Variants in KCNQ2 observed in about 807,000 individuals in gnomAD.
The protein encoded by KCNQ2 is potassium voltage-gated channel subfamily KQT member 2.
KCNQ2 carries 14 observed loss-of-function variants against 84.8 expected under a neutral mutation model. The observed-to-expected ratio is 0.17, with a 90% CI of 0.11 to 0.26. The LOEUF is 0.26. KCNQ2 is among the 10% of genes least tolerant of loss of function. The pLI, the probability that KCNQ2 is intolerant of heterozygous loss-of-function variation, is 1.00. For synonymous variants in KCNQ2, 599 were observed against 554.1 expected (o/e 1.08, Z -1.14); for missense variants, 788 against 1,254.0 (o/e 0.63, Z 5.61).
Position 63,446,689 on chromosome 20 carries a change from C to T in KCNQ2, c.387+58G>A. 1.4e-6 allele frequency: 2 copies of T among 1,421,172 alleles called. No individual in the cohort carries two copies. Among genetic ancestry groups the T allele is most frequent in the Non-Finnish European group, 2.0e-6 (2 of 1,005,582 alleles). The allele number at this position is 1,421,172 out of a possible 1,614,324, so 88.0% of individuals were successfully genotyped here. ...GTAACAGGAACGGAAGACAGACGCC[C>T]AGGCAGCTCCAGCTCCTTCCTGGGC... On this transcript the variant is annotated intron_variant, in intron 2 of 16. Transcript: ENST00000359125. This position sits in a 1 kb window ranked among gnomAD's most constrained non-coding sequence, Gnocchi z 5.5.
At chr20:63,434,099 G>A (rs1234647401) in intron 7 of KCNQ2, 196 bp from the exon 8 acceptor site, 2 of 572,130 alleles carry the variant, frequency 3.5e-6, no homozygotes, top group African/African-American at 1.9e-5. Flanking sequence ...GGACAGACAG[G>A]CAAGCCCGCT....
In KCNQ2 at chr20:63,415,034, C is replaced by T. The variant is rs1459078042; in HGVS notation, c.1394G>A (p.Arg465Gln). The change falls in exon 13 of 17, where the codon CGG (arginine) becomes CAG (glutamine). Residue 465 changes from arginine (R) to glutamine (Q), a missense_variant. Transcript: ENST00000359125. Reference protein sequence around the residue: ...KGSPQAQTVRRSPSADQSLED... With the variant: ...KGSPQAQTVRQSPSADQSLED... ...GAGGCTCTGGTCGGCGCTGGGTGAC[C>T]GCCTCACAGTCTGGGCCTGCGGGGA... 2.5e-6 allele frequency: 4 copies of T among 1,609,362 alleles called. No homozygotes were observed. Among genetic ancestry groups the T allele is most frequent in the African/African-American group, 2.7e-5 (2 of 74,922 alleles).
In KCNQ2 at chr20:63,419,639, T is replaced by A; in HGVS notation, c.1281A>T (p.Gly427=). The A allele has an allele frequency of 6.2e-7, 1 of 1,611,640 alleles. No individual in the cohort carries two copies. The highest frequency in any genetic ancestry group is 8.5e-7 in the Non-Finnish European group (1 of 1,179,590). Residue 427 remains glycine, a synonymous_variant, in exon 12 of 17, where the codon GGA becomes GGT. Transcript: ENST00000359125. ...GGTACCTAGAGCGTCCGGGGCAGCA[T>A]CCACACAGGGGCCCTCTGCACGGGC... ...KGSPCRGPLC[G]CCPGRSSQKV... is the part of the protein sequence containing the mutation.
At chr20:63,411,677 C>A in intron 15 of KCNQ2, 1 of 526,320 alleles carries the variant, frequency 1.9e-6, no homozygotes, top group Non-Finnish European at 3.4e-6. Flanking sequence ...TCCCCTCTGT[C>A]CCGGGGAAAG....
Position 63,460,954 on chromosome 20 carries a change from G to A in KCNQ2, c.296+11214C>T, listed in dbSNP as rs2081931917. On this transcript the variant is annotated intron_variant, in intron 1 of 16. Transcript: ENST00000359125. This position sits in a 1 kb window ranked among gnomAD's most constrained non-coding sequence, Gnocchi z 5.4. ...GGCACGCGAGACTCATCTTGCCCAT[G>A]AGAAGTGTGGACAGTATGCCGTTAA... The A allele has an allele frequency of 6.6e-6, 1 of 152,264 alleles. No individual in the cohort carries two copies. The highest frequency in any genetic ancestry group is 2.4e-5 in the African/African-American group (1 of 41,452). 9.4% of individuals were successfully genotyped at this position (152,264 alleles called of 1,614,324 possible).
At position 63,424,313 on chromosome 20, in the gene KCNQ2, A is replaced by AG. The variant is rs747989471; in HGVS notation, c.1218-108dup. On this transcript the variant is annotated intron_variant, in intron 10 of 16. Transcript: ENST00000359125. Reference sequence around the variant, plus strand: ...TCCCATGGGTCAGGGGCTGCAGGGGAGGGGGGTCTCAGAAAAGGCTGGGCA... The same window carrying AG: ...TCCCATGGGTCAGGGGCTGCAGGGGAGGGGGGGTCTCAGAAAAGGCTGGGCA... The AG allele has an allele frequency of 6.4e-5, 84 of 1,313,968 alleles. No individual in the cohort carries two copies. In the East Asian group the frequency reaches 1.3e-3, roughly 21 times the overall value. 81.4% of individuals were successfully genotyped at this position (1,313,968 alleles called of 1,614,324 possible).
rs111917225 is a variant in KCNQ2, at chr20:63,446,326, C to T, written c.387+421G>A. 2.2e-3 allele frequency: 632 copies of T among 284,964 alleles called. 9 individuals are homozygous for T. The highest frequency in any genetic ancestry group is 0.012 in the African/African-American group (569 of 45,690). The allele number at this position is 284,964 out of a possible 1,614,324, so 17.7% of individuals were successfully genotyped here. On this transcript the variant is annotated intron_variant, in intron 2 of 16. Transcript: ENST00000359125. This position sits in a 1 kb window ranked among gnomAD's most constrained non-coding sequence, Gnocchi z 5.5. ...AACAGCAACACAGGAACTGCACTCC[C>T]GTTGCCATGGCGCCCACCCTGCCCT...
intron 10 of KCNQ2, among the ~76,000 whole-genome samples, chr20:63,427,620 C>G (rs978980092): frequency 6.6e-6 from 1 of 152,254 alleles, no homozygotes; most frequent in Non-Finnish European, 1.5e-5. Flanking sequence ...CAGCCCTTGG[C>G]TTGTGGCCGC....
chr20:63,423,100 TC>T (rs1412966428), intron 11 of KCNQ2, among the ~76,000 whole-genome samples: 1 of 152,160 alleles, frequency 6.6e-6, no homozygotes, highest in East Asian at 1.9e-4. Context: ...TGGGCCCTCG[TC>T]CGTTTTCTTA....
chr20:63,472,073 C>G, intron 1 of KCNQ2, 95 bp downstream of exon 1: 2 of 965,488 alleles, frequency 2.1e-6, no homozygotes, highest in South Asian at 3.8e-5. Context: ...GGCAGGGAGC[C>G]AAACCCGCCG....
At position 63,408,593 on chromosome 20, in the gene KCNQ2, C is replaced by T. The variant is rs2080020643; in HGVS notation, c.1764-57G>A. The T allele has an allele frequency of 1.3e-6, 2 of 1,593,546 alleles. No homozygotes were observed. Among genetic ancestry groups the T allele is most frequent in the South Asian group, 2.3e-5 (2 of 88,104 alleles). ...TCGGGTGGGTGCAGCAGGGCCCCTG[C>T]CCTCTCCTCCTGGACCAGGCCACAG... is the stretch of plus-strand genomic sequence containing the variant. On this transcript the variant is annotated intron_variant, in intron 15 of 16. Transcript: ENST00000359125. This position sits in a 1 kb window ranked among gnomAD's most constrained non-coding sequence, Gnocchi z 5.0.
intron 15 of KCNQ2, among the ~76,000 whole-genome samples, chr20:63,409,744 G>A (rs2080058672): frequency 1.3e-5 from 2 of 148,766 alleles, no homozygotes; most frequent in Admixed American, 6.7e-5. Context: ...TGCCTCTGAT[G>A]GTGGGGGAGG....
At chr20:63,471,664 C>A (rs1226337290) in intron 1 of KCNQ2, 1 of 153,526 alleles carries the variant, frequency 6.5e-6, no homozygotes, top group Non-Finnish European at 1.4e-5. Flanking sequence ...TGGGAGGGCC[C>A]CTCCCCCATC....
intron 5 of KCNQ2, among the ~76,000 whole-genome samples, chr20:63,441,098 G>A (rs988047839): frequency 0.056 from 2 of 36 alleles, no homozygotes; most frequent in Admixed American, 0.5. Flanking sequence ...CTCCCGAGTA[G>A]CTGGGACTAC....
intron 14 of KCNQ2, 111 bp downstream of exon 14, chr20:63,413,977 T>C: frequency 1.2e-6 from 1 of 811,818 alleles, no homozygotes; most frequent in Non-Finnish European, 2.1e-6. Flanking sequence ...CCCAGTAGAC[T>C]CTGTCTCTGG....
Position 63,466,809 on chromosome 20 carries a change from T to A in KCNQ2, c.296+5359A>T, listed in dbSNP as rs1008659342. On this transcript the variant is annotated intron_variant, in intron 1 of 16. Coordinates refer to ENST00000359125, the MANE Select transcript of KCNQ2 (RefSeq NM_172107.4). ...ACGGGTCACGCAGGGTCTTCACAGGTCACGGCCACACAGGAGCACGTCTCA... is the reference window on the plus strand; with the variant it reads ...ACGGGTCACGCAGGGTCTTCACAGGACACGGCCACACAGGAGCACGTCTCA... Among the ~76,000 whole-genome samples, 12 of 152,146 alleles carry A rather than the reference T, an allele frequency of 7.9e-5. No homozygotes were observed. The South Asian group carries it at 1.2e-3, about 16-fold the overall frequency.
At chr20:63,413,656 C>T in intron 14 of KCNQ2, 75 bp from the exon 15 acceptor site, 1 of 1,552,704 alleles carries the variant, frequency 6.4e-7, no homozygotes, top group Non-Finnish European at 8.9e-7. Context: ...CTTCCTAGCA[C>T]CTCTGAGACC....
intron 12 of KCNQ2, among the ~76,000 whole-genome samples, chr20:63,417,606 C>G (rs2080335135): frequency 6.6e-6 from 1 of 152,242 alleles, no homozygotes; most frequent in African/African-American, 2.4e-5. Flanking sequence ...CATCAGATTC[C>G]CACCTGCGGC....
chr20:63,469,456 C>T (rs905927627), intron 1 of KCNQ2, among the ~76,000 whole-genome samples: 1 of 152,270 alleles, frequency 6.6e-6, no homozygotes, highest in Non-Finnish European at 1.5e-5. Context: ...GTCCCCACCT[C>T]CCCAGAGCGG....
Sources: allele counts gnomAD v4.1 joint callset (sites outside exome capture counted in the v4.1 genomes callset), GRCh38; gene constraint gnomAD v4.1.1; non-coding constraint Gnocchi (gnomAD v3.1); transcripts MANE v1.5; gene names NCBI Gene and HGNC (gene_info 2026-07-23, HGNC 2026-07-21).